PSD3: variants seen among roughly 807,000 people sequenced by gnomAD.
PSD3 encodes PH and SEC7 domain-containing protein 3.
A neutral mutation model predicts 105.5 loss-of-function variants in PSD3; 49 were observed. The observed-to-expected ratio is 0.46, with a 90% CI of 0.37 to 0.59. The LOEUF is 0.59. Ranked by LOEUF, PSD3 falls within the 20% of genes least tolerant of loss-of-function variation. The pLI is 0.00. For synonymous variants in PSD3, 557 were observed against 457.8 expected (o/e 1.22, Z -2.77); for missense variants, 1,561 against 1,263.8 (o/e 1.24, Z -3.57).
chr8:18,818,207 G>A (rs921417585), intron 4 of PSD3, among the ~76,000 whole-genome samples: 3 of 152,008 alleles, frequency 2.0e-5, no homozygotes, highest in African/African-American at 4.8e-5. Context: ...CATCCGCCTC[G>A]GCCTCCCAAA....
chr8:18,771,519 T>C (rs1807527629), intron 8 of PSD3, among the ~76,000 whole-genome samples: 1 of 152,230 alleles, frequency 6.6e-6, no homozygotes, highest in East Asian at 1.9e-4. Flanking sequence ...TTCATTTTTG[T>C]ACGATAGAAA....
chr8:19,055,743 A>G (rs1828690457), intron 1 of PSD3, among the ~76,000 whole-genome samples: 1 of 152,216 alleles, frequency 6.6e-6, no homozygotes, highest in Non-Finnish European at 1.5e-5. Flanking sequence ...GAAATGTCAA[A>G]CCTCACTGAA....
At chr8:18,638,463 C>G (rs1477897537) in intron 10 of PSD3, among the ~76,000 whole-genome samples, 1 of 151,748 alleles carries the variant, frequency 6.6e-6, no homozygotes, top group Non-Finnish European at 1.5e-5. Flanking sequence ...AACCAACACA[C>G]AAAAAATGAG....
At chr8:18,919,879 T>C (rs562545709) in intron 2 of PSD3, among the ~76,000 whole-genome samples, 161 of 145,566 alleles carry the variant, frequency 1.1e-3, no homozygotes, top group South Asian at 6.6e-3. Flanking sequence ...AGGGATAGCA[T>C]TGGGAGATAT....
rs559915759 is a variant in PSD3 at position 18,690,995 on chromosome 8, C to T, written c.2173-35310G>A. Among the ~76,000 whole-genome samples the T allele has an allele frequency of 1.7e-3, 259 of 151,032 alleles. 2 individuals are homozygous for T. The highest frequency in any genetic ancestry group is 6.9e-3 in the Middle Eastern group (2 of 290). ...AATGAACAATCACTATAAGAATTGG[C>T]GGTTAGGAGTAAAAAAAAAAAAATC... On this transcript the variant is annotated intron_variant, in intron 9 of 15. Transcript: ENST00000327040.
intron 1 of PSD3, among the ~76,000 whole-genome samples, chr8:18,952,920 A>G (rs1823332333): frequency 6.6e-6 from 1 of 152,206 alleles, no homozygotes; most frequent in Admixed American, 6.5e-5. Context: ...TGACAGTAAA[A>G]ACAAATGATA....
intron 2 of PSD3, among the ~76,000 whole-genome samples, chr8:18,890,150 G>C (rs1818694834): frequency 6.6e-6 from 1 of 151,998 alleles, no homozygotes; most frequent in South Asian, 2.1e-4. Context: ...GATCCACGTA[G>C]GAGACAATAA....
rs566930382 is a variant in PSD3 at position 18,818,014 on chromosome 8, C to T, written c.1635-13116G>A. Among the ~76,000 whole-genome samples, 4 of 152,256 alleles carry T rather than the reference C, an allele frequency of 2.6e-5. 1 individual carries two copies. Among genetic ancestry groups the T allele is most frequent in the East Asian group, 3.9e-4 (2 of 5,180 alleles). On this transcript the variant is annotated intron_variant, in intron 4 of 15. Coordinates refer to ENST00000327040, the MANE Select transcript of PSD3 (RefSeq NM_015310.4). Reference sequence around the variant, plus strand: ...TGTCGCCCAGGCTGGAGTGCAGTGGCGCGATCTCGGCTCACTGCAACCTCT... The same window carrying T: ...TGTCGCCCAGGCTGGAGTGCAGTGGTGCGATCTCGGCTCACTGCAACCTCT...
intron 10 of PSD3, among the ~76,000 whole-genome samples, chr8:18,634,192 C>T (rs1807093274): frequency 6.6e-6 from 1 of 151,828 alleles, no homozygotes; most frequent in African/African-American, 2.4e-5. Context: ...TGCAAATAAC[C>T]ACAATATATT....
chr8:18,536,371 C>G (rs939712620), intron 15 of PSD3, among the ~76,000 whole-genome samples: 1 of 152,130 alleles, frequency 6.6e-6, no homozygotes, highest in Non-Finnish European at 1.5e-5. Context: ...CCAGGCCTCA[C>G]AAGAAACTGG....
chr8:18,617,141 T>G (rs1357553392), intron 11 of PSD3, among the ~76,000 whole-genome samples: 1 of 152,186 alleles, frequency 6.6e-6, no homozygotes, highest in African/African-American at 2.4e-5. Flanking sequence ...TGGGGAAGTT[T>G]TTTTCCTGGA....
intron 4 of PSD3, among the ~76,000 whole-genome samples, chr8:18,863,040 G>A (rs974801856): frequency 1.3e-5 from 2 of 152,156 alleles, no homozygotes; most frequent in African/African-American, 4.8e-5. Context: ...GATCTGAAAG[G>A]AAAACTTGGA....
chr8:18,632,007 C>G (rs1319269113), intron 11 of PSD3, among the ~76,000 whole-genome samples: 2 of 151,982 alleles, frequency 1.3e-5, no homozygotes, highest in Non-Finnish European at 2.9e-5. Context: ...ACTCCAAACA[C>G]CATCATTGAT....
chr8:18,739,832 G>C (rs560716877), intron 9 of PSD3, among the ~76,000 whole-genome samples: 1 of 152,040 alleles, frequency 6.6e-6, no homozygotes, highest in African/African-American at 2.4e-5. Context: ...TGGCTTTCTG[G>C]CTAAGATCAA....
intron 8 of PSD3, among the ~76,000 whole-genome samples, chr8:18,790,287 ATTTTTCT>A (rs1164906981): frequency 2.6e-4 from 38 of 148,142 alleles, no homozygotes; most frequent in Admixed American, 8.8e-4. Flanking sequence ...AGATCATAAC[ATTTTTCT>A]TTTTTCTTTT....
intron 1 of PSD3, among the ~76,000 whole-genome samples, chr8:19,080,730 T>C (rs1829617916): frequency 6.6e-6 from 1 of 151,776 alleles, no homozygotes; most frequent in Non-Finnish European, 1.5e-5. Flanking sequence ...AACGGTGAGG[T>C]AGGAAGGGAG....
chr8:19,043,352 ACT>A (rs1297206279), intron 1 of PSD3, among the ~76,000 whole-genome samples: 1 of 151,824 alleles, frequency 6.6e-6, no homozygotes, highest in Non-Finnish European at 1.5e-5. Context: ...CTCACAAACA[ACT>A]CTCTCGTCTG....
intron 1 of PSD3, among the ~76,000 whole-genome samples, chr8:19,057,440 A>G (rs1464645932): frequency 3.9e-5 from 6 of 152,158 alleles, no homozygotes; most frequent in Admixed American, 3.9e-4. Context: ...ACCTCTGCCC[A>G]CCACTCTGGT....
intron 8 of PSD3, among the ~76,000 whole-genome samples, chr8:18,790,703 C>T (rs183860769): frequency 5.9e-5 from 9 of 151,950 alleles, no homozygotes; most frequent in East Asian, 1.9e-4. Context: ...TGAAAATGAA[C>T]GCCAGGCCCC....
Sources: gnomAD v4.1 joint callset for allele counts (sites outside exome capture counted in the v4.1 genomes callset) on GRCh38, gnomAD v4.1.1 for gene constraint, MANE v1.5 for transcripts, NCBI Gene and HGNC (gene_info 2026-07-23, HGNC 2026-07-21) for gene names.